Variants in ITGA8 observed in about 807,000 individuals in gnomAD.
ITGA8 encodes integrin subunit alpha 8, also known as integrin alpha-8.
A neutral mutation model predicts 142.3 loss-of-function variants in ITGA8; 91 were observed. The observed-to-expected ratio is 0.64, with a 90% CI of 0.54 to 0.76. The LOEUF (loss-of-function observed/expected upper bound fraction) is 0.76. ITGA8 is among the 30% of genes least tolerant of loss of function. The pLI is 0.00. For synonymous variants in ITGA8, 505 were observed against 485.2 expected (o/e 1.04, Z -0.54); for missense variants, 1,406 against 1,327.7 (o/e 1.06, Z -0.92).
intron 13 of ITGA8, among the ~76,000 whole-genome samples, chr10:15,635,813 C>T (rs533158707): frequency 7.1e-4 from 108 of 152,074 alleles, no homozygotes; most frequent in African/African-American, 2.6e-3. Flanking sequence ...AACTGAACTT[C>T]AAATTAACAA....
intron 21 of ITGA8, among the ~76,000 whole-genome samples, chr10:15,596,220 G>GT (rs1164532982): frequency 2.0e-5 from 3 of 152,148 alleles, no homozygotes; most frequent in Non-Finnish European, 4.4e-5. Context: ...TTATTCATTT[G>GT]TTTTTTATCC....
In ITGA8 at chr10:15,687,376, T is replaced by C. The variant is rs9333081; in HGVS notation, c.444+562A>G. On this transcript the variant is annotated intron_variant, in intron 3 of 29. Coordinates refer to ENST00000378076, the MANE Select transcript of ITGA8 (RefSeq NM_003638.3). Reference sequence around the variant, plus strand: ...TCTCGGTAACTTAGACATGTATCATTGCTCAGAACAATAAAATAATAGAAT... The same window carrying C: ...TCTCGGTAACTTAGACATGTATCATCGCTCAGAACAATAAAATAATAGAAT... Among the ~76,000 whole-genome samples, 515 of 152,300 alleles carry C rather than the reference T, an allele frequency of 3.4e-3. 2 individuals carry two copies. Among genetic ancestry groups the C allele is most frequent in the African/African-American group, 0.011 (465 of 41,582 alleles).
At chr10:15,676,899 C>T (rs1288885604) in intron 6 of ITGA8, among the ~76,000 whole-genome samples, 2 of 152,116 alleles carry the variant, frequency 1.3e-5, no homozygotes, top group Non-Finnish European at 2.9e-5. Context: ...TTACCAGCTA[C>T]TCAGGAAGCT....
chr10:15,562,906 A>G (rs981913978), intron 25 of ITGA8, among the ~76,000 whole-genome samples: 4 of 152,072 alleles, frequency 2.6e-5, no homozygotes, highest in South Asian at 2.1e-4. Flanking sequence ...TTAATTCCCA[A>G]TGTGGGAGGT....
intron 13 of ITGA8, among the ~76,000 whole-genome samples, chr10:15,620,659 G>C (rs1467760950): frequency 6.6e-6 from 1 of 152,158 alleles, no homozygotes; most frequent in Non-Finnish European, 1.5e-5. Context: ...ACTTATGCTC[G>C]GGACCTTAAA....
chr10:15,686,275 A>C (rs1418747641), intron 3 of ITGA8, among the ~76,000 whole-genome samples: 1 of 152,196 alleles, frequency 6.6e-6, no homozygotes, highest in Non-Finnish European at 1.5e-5. Flanking sequence ...TTGCCTCTCT[A>C]TATATTGTAA....
At chr10:15,629,368 T>C (rs1235689625) in intron 13 of ITGA8, among the ~76,000 whole-genome samples, 2 of 152,050 alleles carry the variant, frequency 1.3e-5, no homozygotes, top group African/African-American at 4.8e-5. Context: ...ATAGCATATC[T>C]TTATAAGTGC....
chr10:15,515,510 C>A lies in ITGA8; in HGVS notation c.*1648G>T, dbSNP rs1038420389. The A allele has an allele frequency of 6.6e-6, 1 of 151,788 alleles. No homozygotes were observed. The highest frequency in any genetic ancestry group is 2.4e-5 in the African/African-American group (1 of 41,328). 9.4% of individuals were successfully genotyped at this position (151,788 alleles called of 1,614,324 possible). On this transcript the variant is annotated 3_prime_UTR_variant, in exon 30 of 30. Coordinates refer to ENST00000378076, the MANE Select transcript of ITGA8 (RefSeq NM_003638.3). Reference sequence around the variant, plus strand: ...AGCTTGGCTCATCTTTCAAACAAAGCGTGATTGTTGAAATCAGGACACAAA... The same window carrying A: ...AGCTTGGCTCATCTTTCAAACAAAGAGTGATTGTTGAAATCAGGACACAAA...
chr10:15,594,879 C>T (rs1832987642), intron 21 of ITGA8, among the ~76,000 whole-genome samples: 2 of 152,046 alleles, frequency 1.3e-5, no homozygotes, highest in South Asian at 2.1e-4. Flanking sequence ...ATAGAGGCTA[C>T]CTAATGATGG....
intron 24 of ITGA8, among the ~76,000 whole-genome samples, chr10:15,573,756 A>G (rs1052287682): frequency 6.6e-6 from 1 of 152,222 alleles, no homozygotes; most frequent in Non-Finnish European, 1.5e-5. Flanking sequence ...AACAGAAGGC[A>G]TTAATCGAGA....
chr10:15,718,356 G>A (rs1835492866), intron 2 of ITGA8, among the ~76,000 whole-genome samples: 2 of 152,160 alleles, frequency 1.3e-5, no homozygotes, highest in South Asian at 4.1e-4. Flanking sequence ...CCTGCCTCCC[G>A]AGCTTGGGCA....
At chr10:15,587,041 G>C (rs1334158594) in intron 22 of ITGA8, among the ~76,000 whole-genome samples, 1 of 151,664 alleles carries the variant, frequency 6.6e-6, no homozygotes, top group Admixed American at 6.6e-5. Flanking sequence ...TCCTGCCTCA[G>C]CCTCCCAAGT....
chr10:15,546,065 G>A (rs1379476791), intron 27 of ITGA8, among the ~76,000 whole-genome samples: 1 of 152,050 alleles, frequency 6.6e-6, no homozygotes, highest in African/African-American at 2.4e-5. Flanking sequence ...ATTCTGTCTG[G>A]GGCTCTGCCT....
chr10:15,586,602 G>A lies in ITGA8; in HGVS notation c.2354C>T (p.Ala785Val), dbSNP rs371802080. 1.3e-5 allele frequency: 21 copies of A among 1,610,398 alleles called. No individual in the cohort carries two copies. Among genetic ancestry groups the A allele is most frequent in the African/African-American group, 9.4e-5 (7 of 74,788 alleles). ...TACTTACCCTCTTATTTCCACCTGC[G>A]CTACAGCAGTGATGTTGATTTGCAG... is the stretch of plus-strand genomic sequence containing the variant. ...VSLQINITAV[A>V]QVEIRGVSHP... The change falls in exon 23 of 30, where the codon GCG becomes GTG. Residue 785 changes from alanine (A) to valine (V), a missense_variant. Transcript: ENST00000378076.
intron 13 of ITGA8, among the ~76,000 whole-genome samples, chr10:15,624,678 G>A (rs766191899): frequency 3.3e-5 from 5 of 152,108 alleles, no homozygotes; most frequent in Non-Finnish European, 5.9e-5. Context: ...TCACTGCCCA[G>A]GTCCCATCCT....
Position 15,516,590 on chromosome 10 carries a change from C to T in ITGA8, c.*568G>A, listed in dbSNP as rs1832964197. The T allele has an allele frequency of 6.6e-6, 1 of 152,216 alleles. No individual in the cohort carries two copies. The highest frequency in any genetic ancestry group is 6.5e-5 in the Admixed American group (1 of 15,284). The allele number at this position is 152,216 out of a possible 1,614,324, so 9.4% of individuals were successfully genotyped here. A position where few individuals can be genotyped will look rare whatever the true frequency, so the allele number is the denominator to read the frequency against. On this transcript the variant is annotated 3_prime_UTR_variant, in exon 30 of 30. Transcript: ENST00000378076. ...AAATAAATAAACTCTCACCCTCACTCACAAGATTATTTTTGTCCTTTCAAA... is the reference window on the plus strand; with the variant it reads ...AAATAAATAAACTCTCACCCTCACTTACAAGATTATTTTTGTCCTTTCAAA...
chr10:15,525,645 C>CAAA (rs374326483), intron 28 of ITGA8, among the ~76,000 whole-genome samples: 1,413 of 61,404 alleles, frequency 0.023, 11 homozygotes, highest in Non-Finnish European at 0.03. Flanking sequence ...AACTCCATCT[C>CAAA]AAAAAAAAAA....
chr10:15,696,807 C>T (rs1307919783), intron 2 of ITGA8, among the ~76,000 whole-genome samples: 1 of 144,154 alleles, frequency 6.9e-6, no homozygotes, highest in African/African-American at 2.6e-5. Context: ...CAGTAAGCTA[C>T]GATAGTGCCA....
Position 15,660,198 on chromosome 10 carries a change from T to G in ITGA8, c.891+681A>C, listed in dbSNP as rs540473603. ...TTATACCCACAGGTAGGACCAGCCT[T>G]GTGGGTATGTGACTTGTGCAGTCAC... On this transcript the variant is annotated intron_variant, in intron 9 of 29. Transcript: ENST00000378076. 4.6e-5 allele frequency among the ~76,000 whole-genome samples: 7 copies of G among 152,180 alleles called. No individual in the cohort carries two copies. The South Asian group carries it at 1.4e-3, about 32-fold the overall frequency.
Sources: gnomAD v4.1 joint callset for allele counts (sites outside exome capture counted in the v4.1 genomes callset) on GRCh38, gnomAD v4.1.1 for gene constraint, MANE v1.5 for transcripts, NCBI Gene and HGNC (gene_info 2026-07-23, HGNC 2026-07-21) for gene names.